Variants in SMARCAL1 observed in about 807,000 individuals in gnomAD.
SMARCAL1 encodes ATP-driven annealing helicase.
Under a neutral mutation model 94.5 loss-of-function variants are expected in SMARCAL1, and 58 were observed. The ratio of observed to expected loss-of-function variants is 0.61; its 90% CI spans 0.50 to 0.76. The LOEUF is 0.76. Ranked by LOEUF, SMARCAL1 falls within the 30% of genes least tolerant of loss-of-function variation. The probability of loss-of-function intolerance (pLI) is 0.00; values close to 1 mark genes in which losing one functional copy is unlikely to be tolerated. For missense variants in SMARCAL1, 1,051 were observed against 1,177.9 expected, an observed-to-expected ratio of 0.89 and a Z score of 1.58; for synonymous variants, 422 against 455.1, an observed-to-expected ratio of 0.93 and a Z score of 0.93.
intron 13 of SMARCAL1, among the ~76,000 whole-genome samples, chr2:216,467,287 A>G (rs1188729063): frequency 1.3e-5 from 2 of 152,126 alleles, no homozygotes; most frequent in East Asian, 1.9e-4. Flanking sequence ...CCTGGCCAAC[A>G]TGGTGAAACC....
At position 216,447,077 on chromosome 2, in the gene SMARCAL1, C is replaced by G. The variant is rs2106050320; in HGVS notation, c.1770C>G (p.Leu590=). The change falls in exon 11 of 18, where the codon CTC becomes CTG. Residue 590 remains leucine, a synonymous_variant. Coordinates refer to ENST00000357276, the MANE Select transcript of SMARCAL1 (RefSeq NM_014140.4). The part of the protein sequence containing the change: ...GTPAMSRPAE[L]YTQIIAVKPT... Reference sequence around the variant, plus strand: ...CAGCCATGTCCCGGCCCGCAGAGCTCTACACGCAGATCATCGCAGTCAAGC... The same window carrying G: ...CAGCCATGTCCCGGCCCGCAGAGCTGTACACGCAGATCATCGCAGTCAAGC... 2 of 1,614,088 alleles carry G rather than the reference C, an allele frequency of 1.2e-6. No homozygotes were observed. Among genetic ancestry groups the G allele is most frequent in the Non-Finnish European group, 8.5e-7 (1 of 1,180,030 alleles).
intron 12 of SMARCAL1, among the ~76,000 whole-genome samples, chr2:216,455,352 G>A (rs1476578795): frequency 1.3e-5 from 2 of 152,212 alleles, no homozygotes; most frequent in Non-Finnish European, 2.9e-5. Context: ...GAAGAGAGTA[G>A]TGGTTCTTCC....
At chr2:216,459,190 C>T (rs1694641694) in intron 12 of SMARCAL1, among the ~76,000 whole-genome samples, 1 of 152,114 alleles carries the variant, frequency 6.6e-6, no homozygotes, top group South Asian at 2.1e-4. Flanking sequence ...AAAGAGGATA[C>T]AGACAAATGG....
chr2:216,464,738 A>T lies in SMARCAL1; in HGVS notation c.2141+71A>T. 5 of 1,055,910 alleles carry T rather than the reference A, an allele frequency of 4.7e-6. No homozygotes were observed. In the South Asian group the frequency reaches 6.3e-5, roughly 13 times the overall value. 65.4% of individuals were successfully genotyped at this position (1,055,910 alleles called of 1,614,324 possible). A position where few individuals can be genotyped will look rare whatever the true frequency, so the allele number is the denominator to read the frequency against. On this transcript the variant is annotated intron_variant, in intron 13 of 17. Transcript: ENST00000357276. ...AAAAAAAAAAACAACTTATTACTTT[A>T]TTCTGCCTGAATGATTTTACTGCGT...
chr2:216,448,538 C>T (rs1413872513), intron 11 of SMARCAL1, among the ~76,000 whole-genome samples: 3 of 152,176 alleles, frequency 2.0e-5, no homozygotes, highest in African/African-American at 7.2e-5. Flanking sequence ...CTTTTCCTGC[C>T]TTCTTGATAC....
chr2:216,438,618 C>T lies in SMARCAL1; in HGVS notation c.1710+133C>T. 4.0e-6 allele frequency: 3 copies of T among 748,628 alleles called. No homozygotes were observed. In the African/African-American group the frequency reaches 5.2e-5, roughly 13 times the overall value. 46.4% of individuals were successfully genotyped at this position (748,628 alleles called of 1,614,324 possible). A position where few individuals can be genotyped will look rare whatever the true frequency, so the allele number is the denominator to read the frequency against. On this transcript the variant is annotated intron_variant, in intron 10 of 17. Coordinates refer to ENST00000357276, the MANE Select transcript of SMARCAL1 (RefSeq NM_014140.4). ...GGCCATGGTCATGACTTGGCATTGA[C>T]TTAGGGCATCTGTCTCTCTCCTTAG...
intron 4 of SMARCAL1, among the ~76,000 whole-genome samples, chr2:216,416,887 G>T (rs557372843): frequency 1.3e-5 from 2 of 152,208 alleles, no homozygotes; most frequent in African/African-American, 4.8e-5. Context: ...TGCAGTGTCT[G>T]GTCATAGTCA....
chr2:216,453,361 A>G (rs893419231), intron 12 of SMARCAL1, among the ~76,000 whole-genome samples: 11 of 152,252 alleles, frequency 7.2e-5, no homozygotes, highest in African/African-American at 2.7e-4. Context: ...TTCCTTAAGA[A>G]CTTGATGCCT....
At chr2:216,432,232 G>A (rs1397209717) in intron 7 of SMARCAL1, among the ~76,000 whole-genome samples, 2 of 152,090 alleles carry the variant, frequency 1.3e-5, no homozygotes, top group African/African-American at 2.4e-5. Flanking sequence ...GACCTCAGGT[G>A]ATCCGCCCCA....
chr2:216,454,469 G>T (rs190112478), intron 12 of SMARCAL1, among the ~76,000 whole-genome samples: 1 of 152,290 alleles, frequency 6.6e-6, no homozygotes, highest in African/African-American at 2.4e-5. Context: ...CTCAGAGCCT[G>T]CACTTTTAAG....
chr2:216,478,245 G>C lies in SMARCAL1; in HGVS notation c.2571G>C (p.Gly857=). 6.2e-7 allele frequency: 1 copy of C among 1,614,192 alleles called. No homozygotes were observed. Among genetic ancestry groups the C allele is most frequent in the Non-Finnish European group, 8.5e-7 (1 of 1,180,030 alleles). The change falls in exon 17 of 18, where the codon GGG becomes GGC. Residue 857 remains glycine, a synonymous_variant. Transcript: ENST00000357276. The part of the protein sequence containing the change: ...QEKIKVLAEA[G]LSETNFSEMT... ...AGATTAAAGTTCTGGCAGAAGCCGG[G>C]CTTTCTGAGACCAATTTTTCAGAAA... is the stretch of plus-strand genomic sequence containing the variant.
intron 14 of SMARCAL1, among the ~76,000 whole-genome samples, chr2:216,473,153 C>A (rs1028058474): frequency 6.6e-6 from 1 of 152,074 alleles, no homozygotes; most frequent in Non-Finnish European, 1.5e-5. Context: ...CGCCCTCCTG[C>A]CCCTTCCCTC....
chr2:216,418,936 AC>A (rs1428809943), intron 4 of SMARCAL1, among the ~76,000 whole-genome samples: 1 of 152,236 alleles, frequency 6.6e-6, no homozygotes, highest in Non-Finnish European at 1.5e-5. Context: ...AATTTTTAAT[AC>A]AAAATAAATT....
intron 7 of SMARCAL1, among the ~76,000 whole-genome samples, chr2:216,430,384 A>C (rs1693937145): frequency 3.9e-5 from 6 of 152,176 alleles, no homozygotes. Context: ...TCTAATATCC[A>C]AGTCACCCTC....
intron 3 of SMARCAL1, among the ~76,000 whole-genome samples, chr2:216,415,768 G>T (rs1179069810): frequency 1.3e-5 from 2 of 152,136 alleles, no homozygotes; most frequent in African/African-American, 2.4e-5. Context: ...TCCTCTGCCA[G>T]GTGCTTTATA....
At chr2:216,446,561 C>G (rs1029449712) in intron 10 of SMARCAL1, 3 of 400,074 alleles carry the variant, frequency 7.5e-6, no homozygotes, top group South Asian at 5.5e-5. Flanking sequence ...GAAGTTCAGA[C>G]CTGCCACTGT....
intron 6 of SMARCAL1, among the ~76,000 whole-genome samples, chr2:216,425,445 G>A (rs1365065938): frequency 2.0e-5 from 3 of 152,232 alleles, no homozygotes; most frequent in Non-Finnish European, 4.4e-5. Flanking sequence ...GTTACAGCAT[G>A]TTACAGCTCT....
At chr2:216,450,379 A>G (rs17486539) in intron 11 of SMARCAL1, among the ~76,000 whole-genome samples, 15,196 of 152,298 alleles carry the variant, frequency 0.1, 908 homozygotes, top group South Asian at 0.19. Flanking sequence ...TCCATACTGC[A>G]GAACAACAGT....
intron 10 of SMARCAL1, among the ~76,000 whole-genome samples, chr2:216,439,004 G>A (rs1248169677): frequency 1.3e-5 from 2 of 152,158 alleles, no homozygotes; most frequent in Non-Finnish European, 2.9e-5. Context: ...GGCGGGGTCA[G>A]CGAGATACAC....
Sources: allele counts gnomAD v4.1 joint callset (sites outside exome capture counted in the v4.1 genomes callset), GRCh38; gene constraint gnomAD v4.1.1; transcripts MANE v1.5; gene names NCBI Gene and HGNC (gene_info 2026-07-23, HGNC 2026-07-21).